AGBL4: variants seen among roughly 807,000 people sequenced by gnomAD.
The protein encoded by AGBL4 is AGBL carboxypeptidase 4.
Under a neutral mutation model 66.4 loss-of-function variants are expected in AGBL4, and 58 were observed. The observed-to-expected ratio is 0.87, with a 90% confidence interval of 0.71 to 1.09. The LOEUF is 1.09. Among genes scored for constraint, AGBL4 ranks in the 50% least tolerant of loss-of-function variants. AGBL4 has a pLI of 0.00. For synonymous variants in AGBL4, 234 were observed against 222.9 expected (o/e 1.05, Z -0.44); for missense variants, 579 against 631.0 (o/e 0.92, Z 0.88).
rs142115404 is a variant in AGBL4, at chr1:49,960,513, A to G, written c.34+63250T>C. Among the ~76,000 whole-genome samples, 43 of 152,188 alleles carry G rather than the reference A, an allele frequency of 2.8e-4. 1 individual carries two copies. The highest frequency in any genetic ancestry group is 9.9e-4 in the African/African-American group (41 of 41,546). On this transcript the variant is annotated intron_variant, in intron 1 of 13. Transcript: ENST00000371839. ...TGTTCTATACCACTATAGGATGACT[A>G]TTCTTAAAAACAATATATTATGTAG...
intron 4 of AGBL4, among the ~76,000 whole-genome samples, chr1:49,235,176 G>T (rs950473753): frequency 6.6e-6 from 1 of 152,106 alleles, no homozygotes; most frequent in Non-Finnish European, 1.5e-5. Context: ...AATCAGTAAG[G>T]CTCAGGTCCT....
intron 3 of AGBL4, among the ~76,000 whole-genome samples, chr1:49,479,698 T>C (rs1460324302): frequency 1.3e-5 from 2 of 151,126 alleles, no homozygotes; most frequent in Non-Finnish European, 3.0e-5. Flanking sequence ...TTCTTTTCTT[T>C]TTTTCTTTTT....
At chr1:49,543,590 T>A (rs1652239629) in intron 3 of AGBL4, among the ~76,000 whole-genome samples, 1 of 152,106 alleles carries the variant, frequency 6.6e-6, no homozygotes, top group Non-Finnish European at 1.5e-5. Flanking sequence ...GCAAGAGTGT[T>A]CTGAAACTTA....
rs765165380 is a variant in AGBL4, at chr1:48,653,368, T to C, written c.808A>G (p.Asn270Asp). 6.3e-7 allele frequency: 1 copy of C among 1,584,934 alleles called. No individual in the cohort carries two copies. Among genetic ancestry groups the C allele is most frequent in the Non-Finnish European group, 8.6e-7 (1 of 1,164,718 alleles). ...TTGCCCAGGTAGACTCCATCAGGAT[T>C]GAGCATTGGTGCGATCTTGAAGACC... The part of the protein sequence containing the change: ...YLVFKIAPML[N>D]PDGVYLGNYR... Residue 270 changes from asparagine (N) to aspartate (D), a missense_variant, in exon 8 of 14, where the codon AAT becomes GAT. Coordinates refer to ENST00000371839, the MANE Select transcript of AGBL4 (RefSeq NM_032785.4).
intron 6 of AGBL4, among the ~76,000 whole-genome samples, chr1:48,793,500 C>G (rs1570687618): frequency 6.6e-6 from 1 of 152,282 alleles, no homozygotes; most frequent in East Asian, 1.9e-4. Context: ...GGCCCTCAGA[C>G]TCAAGACTTT....
chr1:48,877,376 A>G (rs1240272664), intron 5 of AGBL4, among the ~76,000 whole-genome samples: 2 of 152,144 alleles, frequency 1.3e-5, no homozygotes, highest in Non-Finnish European at 2.9e-5. Context: ...ATATAATAAA[A>G]GGAAAGAAAC....
intron 4 of AGBL4, among the ~76,000 whole-genome samples, chr1:49,076,270 C>T (rs1316187407): frequency 6.6e-6 from 1 of 152,172 alleles, no homozygotes; most frequent in African/African-American, 2.4e-5. Context: ...TAGAAAATCA[C>T]ATAGCATTTG....
chr1:48,573,554 C>G (rs1429150728), intron 11 of AGBL4, among the ~76,000 whole-genome samples: 1 of 148,298 alleles, frequency 6.7e-6, no homozygotes, highest in African/African-American at 2.5e-5. Context: ...GAGACTAATC[C>G]TAAATGAATT....
chr1:49,764,643 C>T (rs1277560525), intron 2 of AGBL4, among the ~76,000 whole-genome samples: 1 of 152,096 alleles, frequency 6.6e-6, no homozygotes, highest in Non-Finnish European at 1.5e-5. Context: ...TCCTCAAGGG[C>T]TTGTGGTCAG....
At chr1:50,012,116 G>A (rs1329448578) in intron 1 of AGBL4, among the ~76,000 whole-genome samples, 9 of 146,918 alleles carry the variant, frequency 6.1e-5, no homozygotes, top group East Asian at 4.1e-4. Context: ...CGGAGATTGC[G>A]CCACTGCAGT....
intron 4 of AGBL4, among the ~76,000 whole-genome samples, chr1:49,243,393 T>C (rs543374162): frequency 6.6e-6 from 1 of 151,862 alleles, no homozygotes; most frequent in East Asian, 1.9e-4. Flanking sequence ...TGAGAGCCCA[T>C]AGCCAATTCC....
Position 49,364,950 on chromosome 1 carries a change from G to T in AGBL4, c.283-119086C>A, listed in dbSNP as rs545391890. On this transcript the variant is annotated intron_variant, in intron 3 of 13. Transcript: ENST00000371839. ...ACTGAACCTATTGTATGAGATGGTTGTAAGTTCATGCATGTGAAATGGTTA... is the reference window on the plus strand; with the variant it reads ...ACTGAACCTATTGTATGAGATGGTTTTAAGTTCATGCATGTGAAATGGTTA... 1.8e-3 allele frequency among the ~76,000 whole-genome samples: 267 copies of T among 152,312 alleles called. 8 individuals are homozygous for T. In the South Asian group the frequency reaches 0.055, roughly 31 times the overall value.
intron 2 of AGBL4, among the ~76,000 whole-genome samples, chr1:49,799,575 A>G (rs1644809906): frequency 6.6e-6 from 1 of 152,154 alleles, no homozygotes; most frequent in Non-Finnish European, 1.5e-5. Flanking sequence ...AAGAAAGGAT[A>G]GTAGAAAGAG....
chr1:48,935,957 T>TG (rs200213397), intron 5 of AGBL4, among the ~76,000 whole-genome samples: 1 of 6,620 alleles, frequency 1.5e-4, no homozygotes, highest in Non-Finnish European at 4.8e-4. Context: ...AGACTCTGTC[T>TG]GAAAAAAAAA....
At chr1:49,374,920 T>C (rs1438284836) in intron 3 of AGBL4, among the ~76,000 whole-genome samples, 2 of 152,184 alleles carry the variant, frequency 1.3e-5, no homozygotes, top group East Asian at 3.9e-4. Flanking sequence ...AGATCAAGTT[T>C]ACACTTCTCG....
intron 2 of AGBL4, among the ~76,000 whole-genome samples, chr1:49,753,976 T>A (rs1479867411): frequency 6.6e-6 from 1 of 152,184 alleles, no homozygotes; most frequent in Admixed American, 6.5e-5. Context: ...CCTGTAACAT[T>A]TTATCAAGAT....
intron 5 of AGBL4, among the ~76,000 whole-genome samples, chr1:48,984,552 T>C (rs1660028832): frequency 1.4e-5 from 2 of 147,926 alleles, no homozygotes; most frequent in Admixed American, 1.3e-4. Context: ...ATATGCACTG[T>C]GAGTGTCCAA....
chr1:48,973,789 G>A (rs974535975), intron 5 of AGBL4, among the ~76,000 whole-genome samples: 1 of 151,954 alleles, frequency 6.6e-6, no homozygotes, highest in Non-Finnish European at 1.5e-5. Flanking sequence ...ACTGATTATG[G>A]TATGCTGCAT....
At chr1:48,655,625 G>A (rs1646008446) in intron 7 of AGBL4, among the ~76,000 whole-genome samples, 1 of 152,218 alleles carries the variant, frequency 6.6e-6, no homozygotes, top group Admixed American at 6.5e-5. Context: ...GCCTGACACA[G>A]CACCTGAAAG....
Sources: gnomAD v4.1 joint callset for allele counts (sites outside exome capture counted in the v4.1 genomes callset) on GRCh38, gnomAD v4.1.1 for gene constraint, MANE v1.5 for transcripts, NCBI Gene and HGNC (gene_info 2026-07-23, HGNC 2026-07-21) for gene names.